TRAK2: variants seen among roughly 807,000 people sequenced by gnomAD.
TRAK2 encodes the protein trafficking kinesin protein 2.
Under a neutral mutation model 104.6 loss-of-function variants are expected in TRAK2, and 81 were observed. The ratio of observed to expected loss-of-function variants is 0.77; its 90% CI spans 0.65 to 0.93. The LOEUF (loss-of-function observed/expected upper bound fraction) is 0.93, where lower values mean the gene tolerates loss of function less well. TRAK2 is among the 40% of genes least tolerant of loss of function. The probability of loss-of-function intolerance (pLI) is 0.00; values close to 1 mark genes in which losing one functional copy is unlikely to be tolerated. For missense variants in TRAK2, 1,002 were observed against 1,089.0 expected (o/e 0.92, Z 1.12); for synonymous variants, 406 against 394.4 (o/e 1.03, Z -0.35).
At position 201,389,845 on chromosome 2, in the gene TRAK2, A is replaced by G; in HGVS notation, c.1149T>C (p.Arg383=). ...SLAAEIEGTM[R]KKLSLDEESS... ...ATTCCTCATCCAAACTCAGCTTTTTACGCATAGTCCCCTCAATCTCAGCTG... is the reference window on the plus strand; with the variant it reads ...ATTCCTCATCCAAACTCAGCTTTTTGCGCATAGTCCCCTCAATCTCAGCTG... The change falls in exon 11 of 16, where the codon CGT becomes CGC. Residue 383 remains arginine (R), a synonymous_variant. Coordinates refer to ENST00000332624, the MANE Select transcript of TRAK2 (RefSeq NM_015049.3). 1 of 1,613,884 alleles carries G rather than the reference A, an allele frequency of 6.2e-7. No homozygotes were observed. Among genetic ancestry groups the G allele is most frequent in the Non-Finnish European group, 8.5e-7 (1 of 1,179,928 alleles).
At chr2:201,411,289 C>T in intron 2 of TRAK2, 2 of 740,920 alleles carry the variant, frequency 2.7e-6, no homozygotes, top group Admixed American at 1.9e-5. Flanking sequence ...TTTTGTTTTT[C>T]TTCAAGTGTA....
At chr2:201,403,692 T>A (rs1485010600) in intron 3 of TRAK2, among the ~76,000 whole-genome samples, 1 of 151,930 alleles carries the variant, frequency 6.6e-6, no homozygotes, top group Non-Finnish European at 1.5e-5. Flanking sequence ...GCTGATCTGT[T>A]TTCTTTTCAG....
chr2:201,400,143 A>AATG (rs10693704), intron 4 of TRAK2, among the ~76,000 whole-genome samples: 86,235 of 151,428 alleles, frequency 0.57, 25,812 homozygotes, highest in South Asian at 0.68. Context: ...AGCTGGTGGT[A>AATG]ATGCAGGGAA....
intron 9 of TRAK2, among the ~76,000 whole-genome samples, chr2:201,393,721 C>T (rs1180355747): frequency 1.3e-5 from 2 of 152,112 alleles, no homozygotes; most frequent in African/African-American, 4.8e-5. Context: ...GCCTGGAAAT[C>T]GCCATTTAAA....
chr2:201,407,310 G>T, intron 3 of TRAK2, 93 bp downstream of exon 3: 1 of 1,081,260 alleles, frequency 9.2e-7, no homozygotes, highest in Non-Finnish European at 1.4e-6. Context: ...ACTGAACAAT[G>T]GCTACTAAAC....
rs1431073883 is a variant in TRAK2 at position 201,398,414 on chromosome 2, A to T, written c.481-60T>A. ...TATTTTGCATTATTTATAGCAATAT[A>T]GCTTCTAATTCATGGAACAATTATT... On this transcript the variant is annotated intron_variant, in intron 5 of 15. Coordinates refer to ENST00000332624, the MANE Select transcript of TRAK2 (RefSeq NM_015049.3). 7 of 1,409,162 alleles carry T rather than the reference A, an allele frequency of 5.0e-6. No homozygotes were observed. The African/African-American group carries it at 1.0e-4, about 20-fold the overall frequency. The allele number at this position is 1,409,162 out of a possible 1,614,324, so 87.3% of individuals were successfully genotyped here. A position where few individuals can be genotyped will look rare whatever the true frequency, so the allele number is the denominator to read the frequency against.
At chr2:201,421,355 A>G (rs890108686) in intron 1 of TRAK2, among the ~76,000 whole-genome samples, 5 of 152,270 alleles carry the variant, frequency 3.3e-5, no homozygotes, top group African/African-American at 1.2e-4. Context: ...AAAAAACTCA[A>G]GAATTACAGA....
chr2:201,440,476 T>C (rs1951912544), intron 1 of TRAK2, among the ~76,000 whole-genome samples: 1 of 152,196 alleles, frequency 6.6e-6, no homozygotes, highest in African/African-American at 2.4e-5. Flanking sequence ...TAGCTGGCTT[T>C]CTCCTCCTCC....
intron 2 of TRAK2, among the ~76,000 whole-genome samples, chr2:201,408,820 G>T (rs536934200): frequency 2.6e-5 from 4 of 152,224 alleles, no homozygotes; most frequent in African/African-American, 9.6e-5. Flanking sequence ...TTCTGTGGAG[G>T]ATTCTTCAAA....
At chr2:201,395,823 C>G (rs944658382) in intron 7 of TRAK2, among the ~76,000 whole-genome samples, 2 of 152,126 alleles carry the variant, frequency 1.3e-5, no homozygotes, top group African/African-American at 4.8e-5. Context: ...TTTGAGAACT[C>G]TTTAGGGACA....
At chr2:201,413,248 T>C in intron 2 of TRAK2, 1 of 1,360,436 alleles carries the variant, frequency 7.4e-7, no homozygotes, top group East Asian at 2.3e-5. Context: ...ATTACAGCAC[T>C]AGTGACATCA....
chr2:201,445,698 C>A (rs1373268871), intron 1 of TRAK2, among the ~76,000 whole-genome samples: 1 of 152,134 alleles, frequency 6.6e-6, no homozygotes, highest in Non-Finnish European at 1.5e-5. Context: ...CAGCAAGTAG[C>A]AGACAGAGCC....
intron 1 of TRAK2, among the ~76,000 whole-genome samples, chr2:201,427,133 T>C (rs1951795738): frequency 6.6e-6 from 1 of 152,176 alleles, no homozygotes. Flanking sequence ...TCCTGTCGGC[T>C]TCCCCCTTAG....
chr2:201,440,038 A>G (rs1484671995), intron 1 of TRAK2, among the ~76,000 whole-genome samples: 3 of 151,276 alleles, frequency 2.0e-5, no homozygotes, highest in Non-Finnish European at 4.4e-5. Flanking sequence ...TACATATGTA[A>G]CTAACCTGCA....
intron 8 of TRAK2, 129 bp downstream of exon 8, chr2:201,395,185 A>G: frequency 1.4e-6 from 1 of 732,914 alleles, no homozygotes; most frequent in Non-Finnish European, 2.2e-6. Context: ...TTAAAACAGC[A>G]ATCAGATTAG....
At chr2:201,387,567 C>T (rs1951402957) in intron 13 of TRAK2, 136 bp downstream of exon 13, 3 of 881,060 alleles carry the variant, frequency 3.4e-6, no homozygotes, top group Admixed American at 5.6e-5. Context: ...AGTCTTGCCA[C>T]CCAAACAGCA....
At chr2:201,399,660 G>T (rs1055527926) in intron 4 of TRAK2, 167 bp from the exon 5 acceptor site, 19 of 529,856 alleles carry the variant, frequency 3.6e-5, no homozygotes, top group Middle Eastern at 5.0e-4. Flanking sequence ...CACAGGTAGT[G>T]CTTTAAAACG....
chr2:201,416,635 GT>G, intron 2 of TRAK2, among the ~76,000 whole-genome samples: 1 of 152,132 alleles, frequency 6.6e-6, no homozygotes, highest in African/African-American at 2.4e-5. Context: ...AGGTAATAAT[GT>G]ATTATGTATA....
At chr2:201,417,241 C>CAAAAAA (rs61702415) in intron 2 of TRAK2, among the ~76,000 whole-genome samples, 291 of 88,070 alleles carry the variant, frequency 3.3e-3, no homozygotes, top group Non-Finnish European at 4.2e-3. Context: ...GAAGACATTG[C>CAAAAAA]AAAAAAAAAA....
Sources: gnomAD v4.1 joint callset for allele counts (sites outside exome capture counted in the v4.1 genomes callset) on GRCh38, gnomAD v4.1.1 for gene constraint, MANE v1.5 for transcripts, NCBI Gene and HGNC (gene_info 2026-07-23, HGNC 2026-07-21) for gene names.